The following TLL2 variants were observed in gnomAD, a reference collection of about 807,000 sequenced individuals.
TLL2 encodes tolloid like 2, also known as tolloid-like protein 2.
In TLL2, 106 loss-of-function variants were observed where a neutral mutation model predicts 123.0. That is an observed-to-expected ratio of 0.86 (90% CI 0.74 to 1.01). The LOEUF (loss-of-function observed/expected upper bound fraction) is 1.01, where lower values mean the gene tolerates loss of function less well. TLL2 is among the 50% of genes least tolerant of loss of function. The pLI is 0.00. For synonymous variants in TLL2, 494 were observed against 516.8 expected, an observed-to-expected ratio of 0.96 and a Z score of 0.60; for missense variants, 1,332 against 1,336.7, an observed-to-expected ratio of 1.00 and a Z score of 0.06.
At chr10:96,409,116 G>A (rs143974954) in intron 9 of TLL2, among the ~76,000 whole-genome samples, 21 of 152,340 alleles carry the variant, frequency 1.4e-4, no homozygotes, top group Non-Finnish European at 2.4e-4. Flanking sequence ...GGCTACAGGT[G>A]CCTGAAAAAT....
chr10:96,421,429 C>T (rs1455669680), intron 6 of TLL2, among the ~76,000 whole-genome samples: 4 of 152,190 alleles, frequency 2.6e-5, no homozygotes, highest in Admixed American at 2.6e-4. Context: ...TTTGGGAGGC[C>T]AAGGCGGGTG....
intron 2 of TLL2, among the ~76,000 whole-genome samples, chr10:96,462,655 C>T (rs1056831701): frequency 4.9e-4 from 74 of 152,138 alleles, no homozygotes; most frequent in African/African-American, 1.7e-3. Flanking sequence ...ATGTGTGTTT[C>T]TGTTTAAAGA....
At chr10:96,458,356 G>A (rs1355699420) in intron 2 of TLL2, among the ~76,000 whole-genome samples, 1 of 152,032 alleles carries the variant, frequency 6.6e-6, no homozygotes, top group Non-Finnish European at 1.5e-5. Flanking sequence ...GGAAGCCGAG[G>A]CAGGCAGATC....
intron 5 of TLL2, among the ~76,000 whole-genome samples, chr10:96,427,700 C>T (rs995325569): frequency 2.6e-5 from 4 of 152,338 alleles, no homozygotes; most frequent in East Asian, 3.9e-4. Flanking sequence ...GGCTTCTTTC[C>T]TTTTACTTTT....
intron 10 of TLL2, among the ~76,000 whole-genome samples, chr10:96,397,784 T>C (rs2134063878): frequency 6.6e-6 from 1 of 152,318 alleles, no homozygotes; most frequent in Admixed American, 6.5e-5. Flanking sequence ...TTCACAAGCC[T>C]AGTTGCAATA....
intron 19 of TLL2, among the ~76,000 whole-genome samples, chr10:96,370,889 G>A (rs1035953998): frequency 3.3e-5 from 5 of 152,220 alleles, no homozygotes; most frequent in African/African-American, 1.2e-4. Flanking sequence ...TGTCACAGGT[G>A]AGCTGCACCT....
Position 96,370,134 on chromosome 10 carries a change from G to A in TLL2, c.2844C>T (p.Tyr948=), listed in dbSNP as rs770297618. The part of the protein sequence containing the change: ...FEVEEEADCG[Y]DYMEAYDGYD... ...AGCCGTCGTAGGCTTCCATGTAGTC[G>A]TAGCCGCAGTCGGCCTCCTCCTCAA... is the stretch of plus-strand genomic sequence containing the variant. Residue 948 remains tyrosine (Y), a synonymous_variant, in exon 20 of 21, where the codon TAC becomes TAT. Transcript: ENST00000357947. 1 of 1,613,974 alleles carries A rather than the reference G, an allele frequency of 6.2e-7. No homozygotes were observed. Among genetic ancestry groups the A allele is most frequent in the South Asian group, 1.1e-5 (1 of 91,034 alleles).
chr10:96,450,678 A>G (rs1431557284), intron 2 of TLL2, among the ~76,000 whole-genome samples: 4 of 152,174 alleles, frequency 2.6e-5, no homozygotes, highest in African/African-American at 9.7e-5. Flanking sequence ...GTTTCAATAA[A>G]AACTGGCAAA....
At chr10:96,457,475 C>G (rs949466771) in intron 2 of TLL2, among the ~76,000 whole-genome samples, 1 of 152,200 alleles carries the variant, frequency 6.6e-6, no homozygotes, top group Non-Finnish European at 1.5e-5. Context: ...GAAGTAGCTG[C>G]TCCTTCCTTC....
At chr10:96,414,863 C>G (rs971585126) in intron 7 of TLL2, among the ~76,000 whole-genome samples, 4 of 152,130 alleles carry the variant, frequency 2.6e-5, no homozygotes, top group Admixed American at 2.6e-4. Flanking sequence ...CAGGTCCTGT[C>G]CACTCTACCT....
At position 96,388,606 on chromosome 10, in the gene TLL2, T is replaced by C. The variant is rs191983504; in HGVS notation, c.1727-1528A>G. Among the ~76,000 whole-genome samples, 143 of 152,272 alleles carry C rather than the reference T, an allele frequency of 9.4e-4. 2 individuals are homozygous for C. The highest frequency in any genetic ancestry group is 1.2e-3 in the Non-Finnish European group (82 of 68,020). On this transcript the variant is annotated intron_variant, in intron 13 of 20. Transcript: ENST00000357947. The stretch of plus-strand genomic sequence containing the variant: ...CTCCCAGAGACAGGACTCTCACTAC[T>C]TTTCAAAGGTATTTATTGGGTCAAA...
Position 96,491,707 on chromosome 10 carries a change from G to A in TLL2, c.176-11248C>T, listed in dbSNP as rs17111922. Reference sequence around the variant, plus strand: ...CACGCTTTCTAATGATATCTAATCCGTCAGTGGTGTGCTGCTATTTAACAA... The same window carrying A: ...CACGCTTTCTAATGATATCTAATCCATCAGTGGTGTGCTGCTATTTAACAA... On this transcript the variant is annotated intron_variant, in intron 1 of 20. Coordinates refer to ENST00000357947, the MANE Select transcript of TLL2 (RefSeq NM_012465.4). 4.5e-3 allele frequency among the ~76,000 whole-genome samples: 689 copies of A among 152,248 alleles called. 5 individuals are homozygous for A. Among genetic ancestry groups the A allele is most frequent in the African/African-American group, 0.016 (648 of 41,520 alleles).
intron 2 of TLL2, among the ~76,000 whole-genome samples, chr10:96,474,908 G>C (rs1847222504): frequency 6.6e-6 from 1 of 152,142 alleles, no homozygotes; most frequent in South Asian, 2.1e-4. Context: ...GCTTGTGGCT[G>C]CATCACTTCA....
intron 3 of TLL2, among the ~76,000 whole-genome samples, chr10:96,442,563 CAG>C (rs1846859958): frequency 6.6e-6 from 1 of 152,202 alleles, no homozygotes; most frequent in South Asian, 2.1e-4. Flanking sequence ...TGCTGTAATG[CAG>C]AGTGAAGGGA....
intron 19 of TLL2, 28 bp from the exon 20 acceptor site, chr10:96,370,343 C>T: frequency 1.3e-6 from 2 of 1,536,000 alleles, no homozygotes; most frequent in Non-Finnish European, 1.8e-6. Context: ...GAGATGTCCC[C>T]TCAGCACAAG....
intron 2 of TLL2, among the ~76,000 whole-genome samples, chr10:96,449,538 C>T (rs1589425328): frequency 6.6e-6 from 1 of 152,206 alleles, no homozygotes; most frequent in East Asian, 1.9e-4. Flanking sequence ...TCTCATGCTT[C>T]CAGCACTGTC....
At position 96,500,103 on chromosome 10, in the gene TLL2, TAAAAAAA is replaced by T. The variant is rs58735775; in HGVS notation, c.175+13401_175+13407del. 2.3e-3 allele frequency among the ~76,000 whole-genome samples: 171 copies of T among 75,486 alleles called. 4 individuals carry two copies. The highest frequency in any genetic ancestry group is 4.6e-4 in the Non-Finnish European group (18 of 39,470). The allele number at this position is 75,486 out of a possible 152,430, so 49.5% of individuals were successfully genotyped here. The stretch of plus-strand genomic sequence containing the variant: ...TGAGACCAGCCTGGCCAACATGATT[TAAAAAAA>T]AAAAAAAAAAGAAAAAGAAAAAAAA... On this transcript the variant is annotated intron_variant, in intron 1 of 20. Coordinates refer to ENST00000357947, the MANE Select transcript of TLL2 (RefSeq NM_012465.4).
chr10:96,364,892 A>C lies in TLL2; in HGVS notation c.*3196T>G. The C allele has an allele frequency of 6.6e-6, 1 of 152,398 alleles. No individual in the cohort carries two copies. Among genetic ancestry groups the C allele is most frequent in the Middle Eastern group, 3.4e-3 (1 of 294 alleles). The allele number at this position is 152,398 out of a possible 1,614,324, so 9.4% of individuals were successfully genotyped here. On this transcript the variant is annotated 3_prime_UTR_variant, in exon 21 of 21. Coordinates refer to ENST00000357947, the MANE Select transcript of TLL2 (RefSeq NM_012465.4). ...TCACAAATGGAACGCTAACAATACC[A>C]ATCTGAAAGCTATCAAAGGGACCCA...
intron 5 of TLL2, among the ~76,000 whole-genome samples, chr10:96,427,868 C>G (rs1261233456): frequency 2.0e-5 from 3 of 152,146 alleles, no homozygotes; most frequent in Non-Finnish European, 2.9e-5. Flanking sequence ...GATCTCGGCT[C>G]ACTGCAATCT....
Sources: allele counts gnomAD v4.1 joint callset (sites outside exome capture counted in the v4.1 genomes callset), GRCh38; gene constraint gnomAD v4.1.1; transcripts MANE v1.5; gene names NCBI Gene and HGNC (gene_info 2026-07-23, HGNC 2026-07-21).